CA10: variants seen among roughly 807,000 people sequenced by gnomAD.
The protein encoded by CA10 is carbonic anhydrase 10 (inactive).
Under a neutral mutation model 44.2 loss-of-function variants are expected in CA10, and 14 were observed. The ratio of observed to expected loss-of-function variants is 0.32; its 90% CI spans 0.21 to 0.50. The LOEUF (loss-of-function observed/expected upper bound fraction) is 0.50, where lower values mean the gene tolerates loss of function less well. CA10 is among the 20% of genes least tolerant of loss of function. The pLI is 0.99. For missense variants in CA10, 350 were observed against 409.7 expected (o/e 0.85, Z 1.26); for synonymous variants, 159 against 141.6 (o/e 1.12, Z -0.87).
At chr17:52,021,488 T>C (rs1234918939) in intron 2 of CA10, among the ~76,000 whole-genome samples, 2 of 152,094 alleles carry the variant, frequency 1.3e-5, no homozygotes, top group Non-Finnish European at 2.9e-5. Context: ...TTTCTTTTTT[T>C]AATAGCCATT....
chr17:51,774,227 C>A (rs1347126482), intron 3 of CA10, among the ~76,000 whole-genome samples: 1 of 152,128 alleles, frequency 6.6e-6, no homozygotes, highest in East Asian at 1.9e-4. Context: ...AGAGTTCAAC[C>A]CATGAAGCTG....
chr17:51,789,550 C>T (rs1429037704), intron 3 of CA10, among the ~76,000 whole-genome samples: 4 of 152,188 alleles, frequency 2.6e-5, no homozygotes, highest in African/African-American at 9.6e-5. Flanking sequence ...TTACAGCTCC[C>T]TGAGCTCACC....
At chr17:51,857,027 G>T (rs1979078196) in intron 3 of CA10, among the ~76,000 whole-genome samples, 1 of 152,170 alleles carries the variant, frequency 6.6e-6, no homozygotes, top group African/African-American at 2.4e-5. Flanking sequence ...TATCTTATAT[G>T]CAGTGCAGAG....
intron 1 of CA10, among the ~76,000 whole-genome samples, chr17:52,089,732 CATTT>C (rs1481803031): frequency 2.6e-5 from 4 of 151,768 alleles, no homozygotes; most frequent in Admixed American, 6.6e-5. Context: ...TTTTATATGA[CATTT>C]ATAATATACA....
intron 4 of CA10, among the ~76,000 whole-genome samples, chr17:51,663,350 T>A (rs962734987): frequency 2.6e-5 from 4 of 152,146 alleles, no homozygotes; most frequent in African/African-American, 9.7e-5. Context: ...CTCCCAGAAG[T>A]GACTTGTAGG....
chr17:51,931,214 G>A (rs976210115), intron 2 of CA10, 82 bp from the exon 3 acceptor site: 19 of 1,362,836 alleles, frequency 1.4e-5, no homozygotes, highest in African/African-American at 1.2e-4. Context: ...ATGTACAAAC[G>A]TGGTAAAATG....
At chr17:52,065,440 G>C (rs574738766) in intron 2 of CA10, among the ~76,000 whole-genome samples, 1 of 152,082 alleles carries the variant, frequency 6.6e-6, no homozygotes, top group African/African-American at 2.4e-5. Context: ...ACCCAAGTTT[G>C]TTTGGCAAAC....
At chr17:51,957,161 C>T (rs1983697697) in intron 2 of CA10, among the ~76,000 whole-genome samples, 2 of 152,034 alleles carry the variant, frequency 1.3e-5, no homozygotes, top group African/African-American at 4.8e-5. Flanking sequence ...AAGTATTTTG[C>T]GAGTTAATTA....
At chr17:52,108,886 C>G (rs1238257038) in intron 1 of CA10, among the ~76,000 whole-genome samples, 1 of 152,040 alleles carries the variant, frequency 6.6e-6, no homozygotes, top group Non-Finnish European at 1.5e-5. Context: ...CAAACACCAA[C>G]TGTACCCCAA....
intron 1 of CA10, among the ~76,000 whole-genome samples, chr17:52,105,338 T>C (rs1292020884): frequency 6.6e-6 from 1 of 151,920 alleles, no homozygotes; most frequent in Non-Finnish European, 1.5e-5. Context: ...CAGTGCAAGC[T>C]CCGCCTCCCG....
chr17:52,000,074 C>A (rs568496256), intron 2 of CA10, among the ~76,000 whole-genome samples: 12 of 152,094 alleles, frequency 7.9e-5, no homozygotes, highest in African/African-American at 2.4e-4. Flanking sequence ...TCTTTCTGTT[C>A]AGATAATTCA....
At chr17:51,660,195 T>G (rs1913948421) in intron 4 of CA10, among the ~76,000 whole-genome samples, 1 of 152,146 alleles carries the variant, frequency 6.6e-6, no homozygotes, top group African/African-American at 2.4e-5. Flanking sequence ...GAGGAGAAAT[T>G]GTATTGGAAG....
intron 3 of CA10, among the ~76,000 whole-genome samples, chr17:51,826,491 A>G (rs1041006848): frequency 3.3e-5 from 5 of 152,350 alleles, no homozygotes; most frequent in African/African-American, 1.2e-4. Context: ...TAAGCTATGA[A>G]GCAATGAGGC....
intron 1 of CA10, among the ~76,000 whole-genome samples, chr17:52,119,527 A>G (rs1034222318): frequency 1.3e-5 from 2 of 152,156 alleles, no homozygotes; most frequent in African/African-American, 2.4e-5. Flanking sequence ...TTGGACCTCA[A>G]GAAGAGAGGA....
At chr17:51,887,412 G>A (rs1159693451) in intron 3 of CA10, among the ~76,000 whole-genome samples, 1 of 152,162 alleles carries the variant, frequency 6.6e-6, no homozygotes, top group Non-Finnish European at 1.5e-5. Context: ...ACTCTGAGAT[G>A]AGTAGAAACT....
intron 2 of CA10, among the ~76,000 whole-genome samples, chr17:52,035,984 A>G (rs1225441288): frequency 3.3e-5 from 5 of 152,166 alleles, no homozygotes; most frequent in Non-Finnish European, 5.9e-5. Flanking sequence ...GGGTTCTCAA[A>G]TATTCTATGC....
intron 2 of CA10, among the ~76,000 whole-genome samples, chr17:51,961,626 C>T (rs968369828): frequency 6.6e-6 from 1 of 152,144 alleles, no homozygotes; most frequent in Admixed American, 6.5e-5. Context: ...CATAATACTA[C>T]AGACCTCACA....
chr17:51,781,672 G>A (rs984066881), intron 3 of CA10, among the ~76,000 whole-genome samples: 1 of 152,136 alleles, frequency 6.6e-6, no homozygotes, highest in Non-Finnish European at 1.5e-5. Context: ...TAATAAAGAT[G>A]TCTTTGTATC....
chr17:51,640,373 C>G (rs113704635), intron 6 of CA10, among the ~76,000 whole-genome samples: 2,547 of 152,286 alleles, frequency 0.017, 69 homozygotes, highest in Admixed American at 0.088. Context: ...CCATCTCCCC[C>G]CTATGTCTCA....
Sources: gnomAD v4.1 joint callset for allele counts (sites outside exome capture counted in the v4.1 genomes callset) on GRCh38, gnomAD v4.1.1 for gene constraint, MANE v1.5 for transcripts, NCBI Gene and HGNC (gene_info 2026-07-23, HGNC 2026-07-21) for gene names.